ZNF83: variants seen among roughly 807,000 people sequenced by gnomAD.
The protein encoded by ZNF83 is zinc finger protein 816B.
For synonymous variants in ZNF83, 209 were observed against 213.0 expected (o/e 0.98, Z 0.17); for missense variants, 552 against 629.9 (o/e 0.88, Z 1.32).
At position 52,683,482 on chromosome 19, in the gene ZNF83, A is replaced by G. The variant is rs182153132; in HGVS notation, c.-283+6961T>C. 4.4e-4 allele frequency among the ~76,000 whole-genome samples: 44 copies of G among 99,250 alleles called. 1 individual carries two copies. The East Asian group carries it at 9.0e-3, about 20-fold the overall frequency. The allele number at this position is 99,250 out of a possible 152,430, so 65.1% of individuals were successfully genotyped here. A position where few individuals can be genotyped will look rare whatever the true frequency, so the allele number is the denominator to read the frequency against. ...TAGGAGTGTGTCCTTCATGCCCCTC[A>G]GGTCCCTGACCTTCTCCCCACCCTT... On this transcript the variant is annotated intron_variant, in intron 1 of 5. Transcript: ENST00000594682.
chr19:52,666,721 C>T (rs2147296963), intron 1 of ZNF83, among the ~76,000 whole-genome samples: 1 of 151,574 alleles, frequency 6.6e-6, no homozygotes, highest in Non-Finnish European at 1.5e-5. Flanking sequence ...ACATTAACCA[C>T]TGAAAATTCC....
intron 2 of ZNF83, among the ~76,000 whole-genome samples, chr19:52,660,204 AG>A (rs771382635): frequency 2.6e-4 from 40 of 152,252 alleles, no homozygotes; most frequent in Non-Finnish European, 5.4e-4. Flanking sequence ...TTAGTCAGAG[AG>A]GGCACCTCTG....
chr19:52,641,606 G>C (rs757975075), upstream of ZNF83, among the ~76,000 whole-genome samples: 2 of 152,072 alleles, frequency 1.3e-5, no homozygotes, highest in Non-Finnish European at 2.9e-5. Context: ...TTGAGATGGA[G>C]TTTCTCTCTT....
At chr19:52,634,966 G>A (rs400781) in intron 2 of ZNF83, 100 bp downstream of exon 2, 80,019 of 651,418 alleles carry the variant, frequency 0.12, 9,639 homozygotes, top group East Asian at 0.45. Flanking sequence ...AAACCTGTCA[G>A]GCAGGACACT....
chr19:52,629,295 G>A (rs867104410), intron 2 of ZNF83, among the ~76,000 whole-genome samples: 70 of 151,884 alleles, frequency 4.6e-4, no homozygotes, highest in African/African-American at 1.3e-3. Context: ...TTTACACATC[G>A]GTCCCTGTGC....
intron 3 of ZNF83, among the ~76,000 whole-genome samples, chr19:52,645,621 A>G (rs148069074): frequency 1.1e-4 from 16 of 152,294 alleles, no homozygotes; most frequent in Admixed American, 2.0e-4. Flanking sequence ...AGCCTGGCCA[A>G]CATGGTGAAA....
At chr19:52,671,692 C>A (rs1476637417) in intron 1 of ZNF83, among the ~76,000 whole-genome samples, 1 of 152,166 alleles carries the variant, frequency 6.6e-6, no homozygotes, top group African/African-American at 2.4e-5. Flanking sequence ...ATCAACCCAC[C>A]TTTGCTTCCC....
intron 3 of ZNF83, among the ~76,000 whole-genome samples, chr19:52,654,639 C>T (rs1024308872): frequency 3.3e-5 from 5 of 152,022 alleles, no homozygotes; most frequent in Non-Finnish European, 7.4e-5. Flanking sequence ...ATTTCTTGAA[C>T]CTAGGAGGCA....
At position 52,653,113 on chromosome 19, in the gene ZNF83, C is replaced by T. The variant is rs1265462978; in HGVS notation, c.-74+2448G>A. 39 of 1,454,046 alleles carry T rather than the reference C, an allele frequency of 2.7e-5. No individual in the cohort carries two copies. In the South Asian group the frequency reaches 3.5e-4, roughly 13 times the overall value. 90.1% of individuals were successfully genotyped at this position (1,454,046 alleles called of 1,614,324 possible). A position where few individuals can be genotyped will look rare whatever the true frequency, so the allele number is the denominator to read the frequency against. On this transcript the variant is annotated intron_variant, in intron 3 of 5. Coordinates refer to the ZNF83 transcript ENST00000594682. The stretch of plus-strand genomic sequence containing the variant: ...CTTATGAATTAGAAGGGATGAATTT[C>T]GAGCAAAGGTCTTGCCACACTCATG...
At position 52,684,760 on chromosome 19, in the gene ZNF83, C is replaced by A. The variant is rs554560123; in HGVS notation, c.-283+5683G>T. Among the ~76,000 whole-genome samples the A allele has an allele frequency of 7.2e-5, 11 of 151,854 alleles. No individual in the cohort carries two copies. In the East Asian group the frequency reaches 2.1e-3, roughly 30 times the overall value. On this transcript the variant is annotated intron_variant, in intron 1 of 5. Coordinates refer to the ZNF83 transcript ENST00000594682. ...TAGGGACATAGGGTAAGAGCAGGGA[C>A]AATGACCTGAGACAGAAAAGGTTTT...
chr19:52,629,588 G>A (rs1007374731), intron 2 of ZNF83, among the ~76,000 whole-genome samples: 2 of 152,008 alleles, frequency 1.3e-5, no homozygotes, highest in African/African-American at 4.8e-5. Context: ...TCCCCCACCT[G>A]CCCAGCAATT....
chr19:52,614,452 T>C, exon 3 of ZNF83: 2 of 1,613,288 alleles, frequency 1.2e-6, no homozygotes, highest in South Asian at 1.1e-5. Flanking sequence ...ATCATATTTA[T>C]ATATTTTCCC....
At chr19:52,674,677 T>C (rs887242854) in intron 1 of ZNF83, among the ~76,000 whole-genome samples, 1 of 151,348 alleles carries the variant, frequency 6.6e-6, no homozygotes. Flanking sequence ...TTCTAGAGAA[T>C]TTAAACTAAG....
At chr19:52,646,470 C>T (rs928804269) in intron 3 of ZNF83, among the ~76,000 whole-genome samples, 1 of 152,080 alleles carries the variant, frequency 6.6e-6, no homozygotes, top group Admixed American at 6.6e-5. Context: ...GATCACTTGA[C>T]CCCCGGAGGT....
chr19:52,677,417 TGGA>T (rs1600266512), intron 1 of ZNF83, among the ~76,000 whole-genome samples: 1 of 151,050 alleles, frequency 6.6e-6, no homozygotes, highest in East Asian at 2.0e-4. Flanking sequence ...ACCCTGGCAG[TGGA>T]GGTTGCAGTG....
intron 2 of ZNF83, among the ~76,000 whole-genome samples, chr19:52,627,000 C>T (rs922011528): frequency 6.6e-6 from 1 of 152,116 alleles, no homozygotes; most frequent in South Asian, 2.1e-4. Flanking sequence ...ACTGATTGAC[C>T]AACCTTATGA....
At chr19:52,638,025 T>C (rs1054463039) in intron 1 of ZNF83, among the ~76,000 whole-genome samples, 2 of 152,062 alleles carry the variant, frequency 1.3e-5, no homozygotes, top group African/African-American at 4.8e-5. Context: ...GGGTGAGGAC[T>C]TTAAAAAGCG....
intron 3 of ZNF83, chr19:52,653,427 A>C: frequency 1.2e-6 from 1 of 822,472 alleles, no homozygotes; most frequent in South Asian, 1.3e-5. Flanking sequence ...GAACTCTGTT[A>C]TGGCGTGAAA....
chr19:52,626,824 CAAAAATTTTTGCCACCCCA>C (rs1455711114), intron 2 of ZNF83, among the ~76,000 whole-genome samples: 1 of 152,102 alleles, frequency 6.6e-6, no homozygotes, highest in Non-Finnish European at 1.5e-5. Flanking sequence ...ATACCACCCC[CAAAAATTTTTGCCACCCCA>C]ACACTTCACT....
Sources: gnomAD v4.1 joint callset for allele counts (sites outside exome capture counted in the v4.1 genomes callset) on GRCh38, gnomAD v4.1.1 for gene constraint, MANE v1.5 for transcripts, NCBI Gene and HGNC (gene_info 2026-07-23, HGNC 2026-07-21) for gene names.